Variants in USF3 observed in about 807,000 individuals in gnomAD.
The protein encoded by USF3 is basic helix-loop-helix domain-containing protein USF3.
Under a neutral mutation model 157.5 loss-of-function variants are expected in USF3, and 29 were observed. That is an observed-to-expected ratio of 0.18 (90% CI 0.14 to 0.25). The LOEUF (loss-of-function observed/expected upper bound fraction) is 0.25, where lower values mean the gene tolerates loss of function less well. Ranked by LOEUF, USF3 falls within the 10% of genes least tolerant of loss-of-function variation. The pLI, the probability that USF3 is intolerant of heterozygous loss-of-function variation, is 1.00. For synonymous variants in USF3, 893 were observed against 941.4 expected (o/e 0.95, Z 0.94); for missense variants, 2,381 against 2,667.6 (o/e 0.89, Z 2.37).
At chr3:113,679,157 T>C (rs966669047) in intron 1 of USF3, among the ~76,000 whole-genome samples, 6 of 152,150 alleles carry the variant, frequency 3.9e-5, no homozygotes, top group Non-Finnish European at 7.4e-5. Flanking sequence ...AAGGATTACA[T>C]TAGTAATCTC....
rs1402375502 is a variant in USF3 at position 113,652,106 on chromosome 3, AGAGT to A, written c.*2834_*2837del. The A allele has an allele frequency of 3.5e-4, 46 of 130,032 alleles. No individual in the cohort carries two copies. The highest frequency in any genetic ancestry group is 2.8e-3 in the East Asian group (13 of 4,586). The allele number at this position is 130,032 out of a possible 1,614,324, so 8.1% of individuals were successfully genotyped here. Reference sequence around the variant, plus strand: ...ACTGGAGAGAGAGAGAGAGAGAGAGAGAGTGTGTGTGTGTGTGTGTGTGTGTGTG... The same window carrying A: ...ACTGGAGAGAGAGAGAGAGAGAGAGAGTGTGTGTGTGTGTGTGTGTGTGTG... On this transcript the variant is annotated 3_prime_UTR_variant, in exon 7 of 7. Coordinates refer to ENST00000316407, the MANE Select transcript of USF3 (RefSeq NM_001009899.4).
intron 4 of USF3, among the ~76,000 whole-genome samples, chr3:113,671,015 G>T (rs1245892036): frequency 1.3e-5 from 2 of 152,102 alleles, no homozygotes; most frequent in Non-Finnish European, 2.9e-5. Flanking sequence ...AAAATGCTGG[G>T]ATTACAGACC....
intron 1 of USF3, among the ~76,000 whole-genome samples, chr3:113,683,226 G>A (rs1237419780): frequency 1.0e-5 from 1 of 95,390 alleles, no homozygotes; most frequent in Non-Finnish European, 2.4e-5. Flanking sequence ...AACAAGCCAA[G>A]AGAAAACTGA....
Position 113,652,108 on chromosome 3 carries a change from AGT to A in USF3, c.*2834_*2835del, listed in dbSNP as rs5851904. Reference sequence around the variant, plus strand: ...TGGAGAGAGAGAGAGAGAGAGAGAGAGTGTGTGTGTGTGTGTGTGTGTGTGTG... The same window carrying A: ...TGGAGAGAGAGAGAGAGAGAGAGAGAGTGTGTGTGTGTGTGTGTGTGTGTG... On this transcript the variant is annotated 3_prime_UTR_variant, in exon 7 of 7. Transcript: ENST00000316407. The A allele has an allele frequency of 7.7e-3, 1,091 of 141,916 alleles. 9 individuals are homozygous for A. The highest frequency in any genetic ancestry group is 0.023 in the Admixed American group (319 of 14,082). The allele number at this position is 141,916 out of a possible 1,614,324, so 8.8% of individuals were successfully genotyped here.
chr3:113,694,689 T>A (rs1403825192), intron 1 of USF3, among the ~76,000 whole-genome samples: 1 of 152,216 alleles, frequency 6.6e-6, no homozygotes, highest in Non-Finnish European at 1.5e-5. Context: ...CGATAGCTGA[T>A]GAGCTTAAAT....
chr3:113,664,561 T>C (rs1947535161), intron 5 of USF3, 152 bp from the exon 6 acceptor site: 2 of 523,440 alleles, frequency 3.8e-6, no homozygotes, highest in East Asian at 3.2e-5. Flanking sequence ...CTACTGTATA[T>C]TTTTCATTTA....
intron 5 of USF3, among the ~76,000 whole-genome samples, chr3:113,666,418 A>ATTTTTT (rs776257698): frequency 7.3e-6 from 1 of 136,082 alleles, no homozygotes; most frequent in African/African-American, 2.7e-5. Flanking sequence ...TGCCTGGCTA[A>ATTTTTT]TTTTTTTTTT....
In USF3 at chr3:113,652,489, T is replaced by C. The variant is rs1947281329; in HGVS notation, c.*2455A>G. 1 of 151,620 alleles carries C rather than the reference T, an allele frequency of 6.6e-6. No individual in the cohort carries two copies. The highest frequency in any genetic ancestry group is 1.5e-5 in the Non-Finnish European group (1 of 67,930). 9.4% of individuals were successfully genotyped at this position (151,620 alleles called of 1,614,324 possible). A position where few individuals can be genotyped will look rare whatever the true frequency, so the allele number is the denominator to read the frequency against. On this transcript the variant is annotated 3_prime_UTR_variant, in exon 7 of 7. Coordinates refer to ENST00000316407, the MANE Select transcript of USF3 (RefSeq NM_001009899.4). ...TTGTAAGCAAGAAAAAAAAAAATATTGTATATTTTTTTGTCCCTAGGAAGC... is the reference window on the plus strand; with the variant it reads ...TTGTAAGCAAGAAAAAAAAAAATATCGTATATTTTTTTGTCCCTAGGAAGC...
At position 113,658,623 on chromosome 3, in the gene USF3, G is replaced by A. The variant is rs774033873; in HGVS notation, c.3059C>T (p.Ser1020Leu). ...DLAKKKNPQK[S>L]SLSDQMDHPD... is the part of the protein sequence containing the mutation. The stretch of plus-strand genomic sequence containing the variant: ...ATGATCCATCTGATCAGAAAGAGAT[G>A]ATTTCTGAGGGTTTTTTTTTTTAGC... Residue 1020 changes from serine to leucine, a missense_variant, in exon 7 of 7, where the codon TCA (serine) becomes TTA (leucine). Physicochemically the swap from Ser to Leu is moderately radical, Grantham distance 145. This residue lies in a region of USF3 where 1,435 missense variants were observed against 1,550.9 expected (regional missense o/e 0.93). Coordinates refer to ENST00000316407, the MANE Select transcript of USF3 (RefSeq NM_001009899.4). 1 of 1,611,348 alleles carries A rather than the reference G, an allele frequency of 6.2e-7. No homozygotes were observed.
At chr3:113,663,423 G>T (rs1385642147) in intron 6 of USF3, among the ~76,000 whole-genome samples, 1 of 152,126 alleles carries the variant, frequency 6.6e-6, no homozygotes, top group African/African-American at 2.4e-5. Context: ...ATCACAAAAA[G>T]ACCTGGGCCA....
intron 1 of USF3, among the ~76,000 whole-genome samples, chr3:113,686,000 G>A (rs1175763980): frequency 1.3e-5 from 2 of 152,148 alleles, no homozygotes; most frequent in Non-Finnish European, 2.9e-5. Flanking sequence ...GGCCACCCCA[G>A]CTAGTATTTC....
chr3:113,674,998 T>C (rs1707244747), intron 2 of USF3, 102 bp from the exon 3 acceptor site: 2 of 741,608 alleles, frequency 2.7e-6, no homozygotes, highest in Admixed American at 2.0e-5. Context: ...TGCTAAAAAA[T>C]AAAATTGACA....
At chr3:113,696,112 G>GC (rs1471979874) in intron 1 of USF3, among the ~76,000 whole-genome samples, 2 of 152,222 alleles carry the variant, frequency 1.3e-5, no homozygotes, top group South Asian at 2.1e-4. Flanking sequence ...CGCAGTGCGA[G>GC]CCCCCCACGG....
Position 113,685,953 on chromosome 3 carries a change from T to C in USF3, c.-134-8556A>G, listed in dbSNP as rs926519747. ...TCTGCTGGAGCTGCAAGCTGTGATG[T>C]CTGGAGTTGGAGGAGTGGTGATGCA... On this transcript the variant is annotated intron_variant, in intron 1 of 6. Coordinates refer to ENST00000316407, the MANE Select transcript of USF3 (RefSeq NM_001009899.4). Among the ~76,000 whole-genome samples the C allele has an allele frequency of 5.3e-5, 8 of 152,186 alleles. 1 individual carries two copies. Among genetic ancestry groups the C allele is most frequent in the African/African-American group, 1.9e-4 (8 of 41,430 alleles).
chr3:113,653,737 T>TACAC lies in USF3; in HGVS notation c.*1203_*1206dup, dbSNP rs151031433. 1 of 151,020 alleles carries TACAC rather than the reference T, an allele frequency of 6.6e-6. No homozygotes were observed. Among genetic ancestry groups the TACAC allele is most frequent in the Non-Finnish European group, 1.5e-5 (1 of 67,702 alleles). 9.4% of individuals were successfully genotyped at this position (151,020 alleles called of 1,614,324 possible). On this transcript the variant is annotated 3_prime_UTR_variant, in exon 7 of 7. Transcript: ENST00000316407. ...ACCAATTCATACTTTAAAATATGTGTACACACACACACACATACTTACACA... is the reference window on the plus strand; with the variant it reads ...ACCAATTCATACTTTAAAATATGTGTACACACACACACACACACATACTTACACA...
At chr3:113,672,925 CTTAAT>C (rs1707192099) in intron 4 of USF3, among the ~76,000 whole-genome samples, 1 of 152,166 alleles carries the variant, frequency 6.6e-6, no homozygotes, top group South Asian at 2.1e-4. Context: ...GACTCCAGAA[CTTAAT>C]TTAAGACTGT....
At position 113,674,854 on chromosome 3, in the gene USF3, T is replaced by C; in HGVS notation, c.25A>G (p.Thr9Ala). Residue 9 changes from threonine to alanine, a missense_variant, in exon 3 of 7, where the codon ACG becomes GCG. This residue lies in a region of USF3 where 105 missense variants were observed against 158.6 expected (regional missense o/e 0.66). Transcript: ENST00000316407. ...TACCTGTGCTGCTTTTTTGTAGGCG[T>C]CTCATTCTCTGTCATTTCTGGCATG... MPEMTENETPTKKQHRKKN... is the reference protein window; with the variant it reads MPEMTENEAPTKKQHRKKN... The C allele has an allele frequency of 6.2e-7, 1 of 1,613,694 alleles. No individual in the cohort carries two copies. Among genetic ancestry groups the C allele is most frequent in the Non-Finnish European group, 8.5e-7 (1 of 1,179,616 alleles).
At chr3:113,683,241 A>G (rs1276921258) in intron 1 of USF3, among the ~76,000 whole-genome samples, 1 of 51,972 alleles carries the variant, frequency 1.9e-5, no homozygotes, top group Non-Finnish European at 5.1e-5. Context: ...AACTGATAAA[A>G]ACTCTAGTTT....
Position 113,656,483 on chromosome 3 carries a change from A to T in USF3, c.5199T>A (p.Asp1733Glu). Residue 1733 changes from aspartate (D) to glutamate (E), a missense_variant, in exon 7 of 7, where the codon GAT becomes GAA. Physicochemically the swap from Asp to Glu is conservative, Grantham distance 45. Coordinates refer to ENST00000316407, the MANE Select transcript of USF3 (RefSeq NM_001009899.4). ...CTCCACTTGGTTTAAACGTCTGACAATCAGAAAGGCGGATATCTGAGGCCA... is the reference window on the plus strand; with the variant it reads ...CTCCACTTGGTTTAAACGTCTGACATTCAGAAAGGCGGATATCTGAGGCCA... ...HTVASDIRLS[D>E]CQTFKPSGAS... 6.2e-7 allele frequency: 1 copy of T among 1,614,180 alleles called. No homozygotes were observed. The highest frequency in any genetic ancestry group is 8.5e-7 in the Non-Finnish European group (1 of 1,180,040).
Sources: allele counts gnomAD v4.1 joint callset (sites outside exome capture counted in the v4.1 genomes callset), GRCh38; gene constraint gnomAD v4.1.1; regional missense constraint gnomAD v4.1.1; transcripts MANE v1.5; gene names NCBI Gene and HGNC (gene_info 2026-07-23, HGNC 2026-07-21).